The following MED12L variants were observed in gnomAD, a reference collection of about 807,000 sequenced individuals.
The protein encoded by MED12L is mediator of RNA polymerase II transcription subunit 12-like protein.
MED12L carries 60 observed loss-of-function variants against 281.3 expected under a neutral mutation model. That is an observed-to-expected ratio of 0.21 (90% CI 0.17 to 0.26). MED12L has a LOEUF of 0.26. Ranked by LOEUF, MED12L falls within the 10% of genes least tolerant of loss-of-function variation. The pLI is 1.00. For missense variants in MED12L, 2,146 were observed against 2,680.9 expected, an observed-to-expected ratio of 0.80 and a Z score of 4.41; for synonymous variants, 974 against 987.2, an observed-to-expected ratio of 0.99 and a Z score of 0.25.
intron 32 of MED12L, among the ~76,000 whole-genome samples, chr3:151,381,812 C>G (rs757816109): frequency 3.9e-5 from 6 of 152,154 alleles, no homozygotes; most frequent in Non-Finnish European, 7.3e-5. Context: ...GGGTTCATTT[C>G]TTCTGATGAG....
At chr3:151,340,808 T>C (rs1751714541) in intron 16 of MED12L, 1 of 152,586 alleles carries the variant, frequency 6.6e-6, no homozygotes, top group South Asian at 2.1e-4. Flanking sequence ...CAATCAGAGA[T>C]TGTCTTCAAA....
chr3:151,190,653 T>A, intron 13 of MED12L, 64 bp from the exon 14 acceptor site: 1 of 1,377,302 alleles, frequency 7.3e-7, no homozygotes, highest in East Asian at 2.3e-5. Context: ...ATATTAAGCC[T>A]TAGTAATTAG....
chr3:151,375,127 T>C (rs1429777600), intron 27 of MED12L, among the ~76,000 whole-genome samples: 3 of 152,190 alleles, frequency 2.0e-5, no homozygotes, highest in Non-Finnish European at 2.9e-5. Flanking sequence ...AGCTGGGGCA[T>C]TTAAAACAAT....
intron 16 of MED12L, among the ~76,000 whole-genome samples, chr3:151,224,701 A>G (rs1406054135): frequency 6.6e-6 from 1 of 152,190 alleles, no homozygotes; most frequent in African/African-American, 2.4e-5. Context: ...CACCCAGAGC[A>G]TTTAAAGTTT....
In MED12L at chr3:151,411,527, T is replaced by C. The variant is rs1314259579; in HGVS notation, c.6140+20T>C. The C allele has an allele frequency of 1.2e-6, 2 of 1,600,944 alleles. No homozygotes were observed. Among genetic ancestry groups the C allele is most frequent in the Non-Finnish European group, 8.6e-7 (1 of 1,167,940 alleles). The stretch of plus-strand genomic sequence containing the variant: ...TCAGAGGTGATACATGTGGAAATGA[T>C]GATGGCAATAATGAACAGTCACATT... On this transcript the variant is annotated intron_variant, in intron 41 of 44. Transcript: ENST00000687756.
rs1719731649 is a variant in MED12L at position 151,433,213 on chromosome 3, TG to T, written c.*411del. On this transcript the variant is annotated 3_prime_UTR_variant, in exon 45 of 45. Coordinates refer to ENST00000687756, the MANE Select transcript of MED12L (RefSeq NM_001393769.1). ...TTTAATTTTATTTTCCAAACTGTGC[TG>T]GACCAAACTACTGATTTGAAAGGCA... 6.4e-6 allele frequency: 1 copy of T among 157,424 alleles called. No homozygotes were observed. 9.8% of individuals were successfully genotyped at this position (157,424 alleles called of 1,614,324 possible). A position where few individuals can be genotyped will look rare whatever the true frequency, so the allele number is the denominator to read the frequency against.
intron 16 of MED12L, among the ~76,000 whole-genome samples, chr3:151,221,388 GA>G (rs914989400): frequency 3.3e-5 from 5 of 152,226 alleles, no homozygotes; most frequent in Non-Finnish European, 5.9e-5. Flanking sequence ...TAATCACCAA[GA>G]AAATGGGGAA....
At chr3:151,098,077 C>T (rs549543644) in intron 2 of MED12L, among the ~76,000 whole-genome samples, 107 of 152,248 alleles carry the variant, frequency 7.0e-4, no homozygotes, top group African/African-American at 2.4e-3. Flanking sequence ...GTGGGCCTGC[C>T]GCATGGTGCG....
intron 17 of MED12L, among the ~76,000 whole-genome samples, chr3:151,350,941 C>A (rs771375925): frequency 6.6e-6 from 1 of 152,194 alleles, no homozygotes; most frequent in Non-Finnish European, 1.5e-5. Flanking sequence ...ATTAGGCAAT[C>A]AAATTATTTT....
chr3:151,250,702 T>C (rs1390047490), intron 16 of MED12L, among the ~76,000 whole-genome samples: 1 of 152,252 alleles, frequency 6.6e-6, no homozygotes, highest in Non-Finnish European at 1.5e-5. Context: ...ACCTTTTGGC[T>C]ATTGTGAACA....
At chr3:151,197,817 A>G (rs1724881695) in intron 16 of MED12L, 1 of 152,668 alleles carries the variant, frequency 6.6e-6, no homozygotes, top group Admixed American at 6.5e-5. Context: ...TACAAATAAT[A>G]CATTAAAGAT....
At chr3:151,153,487 T>C (rs999886744) in intron 5 of MED12L, among the ~76,000 whole-genome samples, 2 of 152,120 alleles carry the variant, frequency 1.3e-5, no homozygotes, top group South Asian at 4.1e-4. Context: ...GTCACTTTCT[T>C]TGTATTTTCT....
At chr3:151,362,172 T>G (rs6793061) in intron 21 of MED12L, among the ~76,000 whole-genome samples, 33,396 of 151,754 alleles carry the variant, frequency 0.22, 3,781 homozygotes, top group South Asian at 0.31. Flanking sequence ...CATTGCAGAG[T>G]TCTTCTAACT....
At chr3:151,328,129 G>A in intron 16 of MED12L, 2 of 1,613,044 alleles carry the variant, frequency 1.2e-6, no homozygotes, top group Non-Finnish European at 1.7e-6. Context: ...CCATACAAAT[G>A]TTAGTTGCTG....
At chr3:151,135,058 C>T (rs1188335311) in intron 5 of MED12L, among the ~76,000 whole-genome samples, 1 of 152,132 alleles carries the variant, frequency 6.6e-6, no homozygotes, top group Non-Finnish European at 1.5e-5. Flanking sequence ...GATGGAGTCT[C>T]CTCTGTTGCT....
Position 151,429,229 on chromosome 3 carries a change from G to C in MED12L, c.6409-1070G>C, listed in dbSNP as rs995885585. Among the ~76,000 whole-genome samples, 6 of 152,174 alleles carry C rather than the reference G, an allele frequency of 3.9e-5. No homozygotes were observed. In the East Asian group the frequency reaches 7.7e-4, roughly 20 times the overall value. On this transcript the variant is annotated intron_variant, in intron 43 of 44. Transcript: ENST00000687756. ...ATTGGCAAAAACAAAACTTCACTCT[G>C]CTCCCTCCCAGCCTCACTGTGCTCC...
intron 43 of MED12L, chr3:151,425,856 A>G: frequency 4.8e-6 from 2 of 420,642 alleles, no homozygotes; most frequent in South Asian, 1.7e-5. Flanking sequence ...GGAATGGATG[A>G]TAACTTCAGC....
chr3:151,113,499 G>A (rs1354291391), intron 2 of MED12L, among the ~76,000 whole-genome samples: 1 of 152,204 alleles, frequency 6.6e-6, no homozygotes, highest in Admixed American at 6.5e-5. Context: ...AGCTCCCTAT[G>A]GCTGCTGTGG....
intron 23 of MED12L, among the ~76,000 whole-genome samples, chr3:151,366,419 T>G (rs1277271600): frequency 6.6e-6 from 1 of 152,190 alleles, no homozygotes; most frequent in African/African-American, 2.4e-5. Context: ...AAATAAAGGC[T>G]TTGTTGGGTT....
Sources: gnomAD v4.1 joint callset for allele counts (sites outside exome capture counted in the v4.1 genomes callset) on GRCh38, gnomAD v4.1.1 for gene constraint, MANE v1.5 for transcripts, NCBI Gene and HGNC (gene_info 2026-07-23, HGNC 2026-07-21) for gene names.